Variants in S100PBP observed in about 807,000 individuals in gnomAD.
The protein encoded by S100PBP is S100P-binding protein.
A neutral mutation model predicts 39.9 loss-of-function variants in S100PBP; 15 were observed. The observed-to-expected ratio is 0.38, with a 90% CI of 0.25 to 0.58. The LOEUF (loss-of-function observed/expected upper bound fraction) is 0.58. Ranked by LOEUF, S100PBP falls within the 20% of genes least tolerant of loss-of-function variation. The pLI is 0.70. For missense variants in S100PBP, 504 were observed against 487.3 expected (o/e 1.03, Z -0.32); for synonymous variants, 178 against 180.3 (o/e 0.99, Z 0.10).
intron 4 of S100PBP, 63 bp from the exon 5 acceptor site, chr1:32,829,901 C>T (rs1333728430): frequency 6.0e-6 from 7 of 1,167,092 alleles, no homozygotes; most frequent in Non-Finnish European, 9.0e-6. Flanking sequence ...CTTCTCTCTA[C>T]AAAACGCTAT....
chr1:32,855,810 C>T, intron 6 of S100PBP, 114 bp from the exon 7 acceptor site: 1 of 588,236 alleles, frequency 1.7e-6, no homozygotes. Context: ...AAATTAATAT[C>T]TGATTTCCAA....
At chr1:32,832,575 C>T (rs1283559038) in intron 5 of S100PBP, among the ~76,000 whole-genome samples, 2 of 152,076 alleles carry the variant, frequency 1.3e-5, no homozygotes, top group Non-Finnish European at 2.9e-5. Context: ...TATCACTTCC[C>T]ATTGCCCAGT....
chr1:32,821,210 C>T (rs774196852), intron 1 of S100PBP, among the ~76,000 whole-genome samples: 4 of 152,136 alleles, frequency 2.6e-5, no homozygotes, highest in Non-Finnish European at 4.4e-5. Flanking sequence ...GAGGCTGAGG[C>T]GGACGGATCA....
chr1:32,827,888 C>G (rs1639410422), intron 3 of S100PBP, 105 bp from the exon 4 acceptor site: 1 of 692,562 alleles, frequency 1.4e-6, no homozygotes, highest in Non-Finnish European at 2.5e-6. Context: ...CACGAATAGG[C>G]TTTTGTAGCC....
chr1:32,820,661 C>T (rs1205407986), intron 1 of S100PBP: 1 of 151,992 alleles, frequency 6.6e-6, no homozygotes, highest in African/African-American at 2.4e-5. Context: ...TGTATCTTTC[C>T]CATTGACTTC....
rs1292104902 is a variant in S100PBP, at chr1:32,824,384, C to T, written c.-119-929C>T. On this transcript the variant is annotated intron_variant, in intron 1 of 6. Coordinates refer to ENST00000373475, the MANE Select transcript of S100PBP (RefSeq NM_022753.4). ...GATATGTGAAATACTAGCATTTTAT[C>T]ACCTTTCCCATCTGGAAAATAATTA... Among the ~76,000 whole-genome samples, 3 of 152,236 alleles carry T rather than the reference C, an allele frequency of 2.0e-5. No homozygotes were observed. The East Asian group carries it at 5.8e-4, about 29-fold the overall frequency.
intron 5 of S100PBP, among the ~76,000 whole-genome samples, chr1:32,849,592 A>T (rs1418017389): frequency 6.6e-6 from 1 of 152,200 alleles, no homozygotes; most frequent in Non-Finnish European, 1.5e-5. Flanking sequence ...TCTTATTCAT[A>T]ATAAGAGTTA....
At chr1:32,833,770 T>G (rs57384847) in intron 5 of S100PBP, among the ~76,000 whole-genome samples, 20,868 of 152,182 alleles carry the variant, frequency 0.14, 1,781 homozygotes, top group South Asian at 0.23. Flanking sequence ...AAAATTAACA[T>G]TTTGATAATT....
chr1:32,846,197 G>T (rs1371348012), intron 5 of S100PBP, among the ~76,000 whole-genome samples: 1 of 150,750 alleles, frequency 6.6e-6, no homozygotes, highest in African/African-American at 2.4e-5. Context: ...CACTGTGTTG[G>T]CCAGGCTGGT....
rs1474011657 is a variant in S100PBP, at chr1:32,857,839, A to C, written c.*1801A>C. On this transcript the variant is annotated 3_prime_UTR_variant, in exon 7 of 7. Coordinates refer to ENST00000373475, the MANE Select transcript of S100PBP (RefSeq NM_022753.4). The stretch of plus-strand genomic sequence containing the variant: ...CGCTTGGTCATTTAAGCCAACAATA[A>C]ATTTAGGTGAATGTCCCTAAGTGTT... The C allele has an allele frequency of 6.6e-6, 1 of 152,200 alleles. No homozygotes were observed. The highest frequency in any genetic ancestry group is 1.5e-5 in the Non-Finnish European group (1 of 68,042). The allele number at this position is 152,200 out of a possible 1,614,324, so 9.4% of individuals were successfully genotyped here. A position where few individuals can be genotyped will look rare whatever the true frequency, so the allele number is the denominator to read the frequency against.
Position 32,830,013 on chromosome 1 carries a change from C to A in S100PBP, c.970C>A (p.Leu324Ile), listed in dbSNP as rs140081005. 3.4e-5 allele frequency: 55 copies of A among 1,613,902 alleles called. No homozygotes were observed. Among genetic ancestry groups the A allele is most frequent in the Non-Finnish European group, 4.3e-5 (51 of 1,179,952 alleles). Residue 324 changes from leucine to isoleucine, a missense_variant, in exon 5 of 7, where the codon CTT becomes ATT. Coordinates refer to ENST00000373475, the MANE Select transcript of S100PBP (RefSeq NM_022753.4). Reference sequence around the variant, plus strand: ...GTCAAATCTAGAACAGCAGAAGCAGCTTTATCTCAGGAGTGTCATTGCTCA... The same window carrying A: ...GTCAAATCTAGAACAGCAGAAGCAGATTTATCTCAGGAGTGTCATTGCTCA... ...SQSNLEQQKQLYLRSVIAHIE... is the reference protein window; with the variant it reads ...SQSNLEQQKQIYLRSVIAHIE...
chr1:32,849,532 G>A (rs1640524700), intron 5 of S100PBP, among the ~76,000 whole-genome samples: 1 of 152,226 alleles, frequency 6.6e-6, no homozygotes, highest in Non-Finnish European at 1.5e-5. Context: ...TACGTAGCAC[G>A]TAAGAAGTGC....
At chr1:32,833,365 A>C (rs953098888) in intron 5 of S100PBP, among the ~76,000 whole-genome samples, 1 of 142,900 alleles carries the variant, frequency 7.0e-6, no homozygotes, top group African/African-American at 2.6e-5. Flanking sequence ...ATTTTTTATT[A>C]TTTTCTTTTT....
At chr1:32,855,078 G>C (rs1268481624) in intron 6 of S100PBP, among the ~76,000 whole-genome samples, 3 of 152,090 alleles carry the variant, frequency 2.0e-5, no homozygotes, top group Non-Finnish European at 4.4e-5. Flanking sequence ...TGCATATAGG[G>C]ATAGATAAAT....
Position 32,837,749 on chromosome 1 carries a change from A to G in S100PBP, c.1024+7682A>G, listed in dbSNP as rs979094471. Among the ~76,000 whole-genome samples, 6 of 151,966 alleles carry G rather than the reference A, an allele frequency of 3.9e-5. No individual in the cohort carries two copies. In the South Asian group the frequency reaches 8.3e-4, roughly 21 times the overall value. ...GTTTTATGTGATGGAATCATACACT[A>G]TGTACTCTTTTGAGTCTGGCTTCTT... On this transcript the variant is annotated intron_variant, in intron 5 of 6. Transcript: ENST00000373475.
chr1:32,819,887 T>G (rs960559493), intron 1 of S100PBP, among the ~76,000 whole-genome samples: 13 of 152,192 alleles, frequency 8.5e-5, no homozygotes, highest in African/African-American at 2.9e-4. Context: ...TTTAGATGCA[T>G]GTTCTCATCT....
intron 5 of S100PBP, among the ~76,000 whole-genome samples, chr1:32,848,726 C>G (rs1284492468): frequency 6.6e-6 from 1 of 152,218 alleles, no homozygotes; most frequent in East Asian, 1.9e-4. Flanking sequence ...AAAATTGATT[C>G]ACTTTAAACT....
intron 1 of S100PBP, among the ~76,000 whole-genome samples, chr1:32,819,399 C>T (rs1420469291): frequency 6.6e-6 from 1 of 152,150 alleles, no homozygotes; most frequent in African/African-American, 2.4e-5. Context: ...AAAACCCCAT[C>T]TCTACTGTAA....
chr1:32,849,949 AT>A (rs1241370019), intron 5 of S100PBP, among the ~76,000 whole-genome samples: 1 of 152,204 alleles, frequency 6.6e-6, no homozygotes, highest in East Asian at 1.9e-4. Context: ...ATGAGTTGAT[AT>A]ATATAAACTA....
Sources: allele counts gnomAD v4.1 joint callset (sites outside exome capture counted in the v4.1 genomes callset), GRCh38; gene constraint gnomAD v4.1.1; transcripts MANE v1.5; gene names NCBI Gene and HGNC (gene_info 2026-07-23, HGNC 2026-07-21).